Variants in PDZD9 observed in about 807,000 individuals in gnomAD.
The protein encoded by PDZD9 is PDZ domain containing 9.
Under a neutral mutation model 16.3 loss-of-function variants are expected in PDZD9, and 13 were observed. The ratio of observed to expected loss-of-function variants is 0.80; its 90% CI spans 0.52 to 1.27. The LOEUF is 1.27. PDZD9 is among the 50% of genes most tolerant of loss of function. The pLI, the probability that PDZD9 is intolerant of heterozygous loss-of-function variation, is 0.00. For missense variants in PDZD9, 288 were observed against 310.9 expected (o/e 0.93, Z 0.55); for synonymous variants, 120 against 111.0 (o/e 1.08, Z -0.51).
chr16:21,988,920 G>A (rs1163438110), intron 2 of PDZD9, 129 bp from the exon 3 acceptor site: 1 of 700,120 alleles, frequency 1.4e-6, no homozygotes, highest in Non-Finnish European at 2.1e-6. Context: ...CCAAAACCAG[G>A]CTTCAGCCTT....
At chr16:21,962,686 A>G in the PDZD9 span, 1 of 1,605,934 alleles carries the variant, frequency 6.2e-7, no homozygotes, top group South Asian at 1.1e-5. Context: ...CATTGAGAGC[A>G]TTACAGCTAT....
chr16:21,964,141 G>A, the PDZD9 span, among the ~76,000 whole-genome samples: 1 of 152,148 alleles, frequency 6.6e-6, no homozygotes, highest in African/African-American at 2.4e-5. Flanking sequence ...GGGGACTGAT[G>A]TTATTTCATG....
At chr16:21,971,932 G>A in the PDZD9 span, 7 of 1,613,830 alleles carry the variant, frequency 4.3e-6, no homozygotes, top group Non-Finnish European at 5.9e-6. Flanking sequence ...GGTGAAATCC[G>A]AGAACAGAAT....
chr16:21,985,811 T>C (rs1898863625), intron 3 of PDZD9, among the ~76,000 whole-genome samples: 2 of 152,228 alleles, frequency 1.3e-5, no homozygotes, highest in Non-Finnish European at 2.9e-5. Flanking sequence ...TTTCCAAAAG[T>C]TTATCTCTTC....
intron 2 of PDZD9, among the ~76,000 whole-genome samples, chr16:21,992,663 C>T (rs915674173): frequency 6.6e-6 from 1 of 152,172 alleles, no homozygotes; most frequent in Non-Finnish European, 1.5e-5. Flanking sequence ...CTTTTGGACT[C>T]TTGGACTTAC....
chr16:21,967,022 T>C, the PDZD9 span, among the ~76,000 whole-genome samples: 3 of 152,194 alleles, frequency 2.0e-5, no homozygotes, highest in Non-Finnish European at 2.9e-5. Context: ...TTTTTTTTAA[T>C]AAAAGGTATG....
chr16:21,958,107 A>T, the PDZD9 span, among the ~76,000 whole-genome samples: 1 of 152,192 alleles, frequency 6.6e-6, no homozygotes, highest in Non-Finnish European at 1.5e-5. Context: ...ACACTGTTAA[A>T]CCCAGTACTG....
the PDZD9 span, among the ~76,000 whole-genome samples, chr16:21,974,788 G>C: frequency 3.3e-5 from 5 of 152,206 alleles, no homozygotes; most frequent in Admixed American, 3.3e-4. Flanking sequence ...TCAAGTCTGA[G>C]AAAGGAATAC....
chr16:21,965,644 CT>C, the PDZD9 span: 1 of 632,220 alleles, frequency 1.6e-6, no homozygotes, highest in Non-Finnish European at 2.4e-6. Context: ...CATCCACCTG[CT>C]TTTTAACTAA....
At chr16:21,988,869 G>A in intron 2 of PDZD9, 78 bp from the exon 3 acceptor site, 5 of 1,202,536 alleles carry the variant, frequency 4.2e-6, no homozygotes, top group Non-Finnish European at 5.6e-6. Context: ...TTATTGTGAG[G>A]TATTTCATTT....
chr16:21,998,715 G>T (rs1345605048), intron 1 of PDZD9: 1 of 145,130 alleles, frequency 6.9e-6, no homozygotes, highest in African/African-American at 2.6e-5. Context: ...AATTATCTGG[G>T]CATGTTGGTG....
chr16:21,973,813 A>C, the PDZD9 span: 25 of 1,322,644 alleles, frequency 1.9e-5, no homozygotes, highest in Middle Eastern at 4.0e-4. Flanking sequence ...TGAAGGTCCA[A>C]GTTTTTTCTA....
At position 21,987,218 on chromosome 16, in the gene PDZD9, G is replaced by A. The variant is rs555377827; in HGVS notation, c.401+1384C>T. Among the ~76,000 whole-genome samples, 7 of 152,210 alleles carry A rather than the reference G, an allele frequency of 4.6e-5. No individual in the cohort carries two copies. In the East Asian group the frequency reaches 5.8e-4, roughly 13 times the overall value. On this transcript the variant is annotated intron_variant, in intron 3 of 3. Transcript: ENST00000424898. The stretch of plus-strand genomic sequence containing the variant: ...GCAGATCACCTGAGGTCAGGAGTTC[G>A]AAACCAGCCTGGCCAACGTGGTGAA...
the PDZD9 span, among the ~76,000 whole-genome samples, chr16:21,969,144 G>C: frequency 6.6e-6 from 1 of 152,144 alleles, no homozygotes; most frequent in South Asian, 2.1e-4. Context: ...ACTCTGCCCA[G>C]AATTAACCAG....
downstream of PDZD9, chr16:21,983,856 GC>G (rs1338330269): frequency 6.5e-6 from 1 of 154,934 alleles, no homozygotes; most frequent in Admixed American, 6.5e-5. Flanking sequence ...TGAATAACTA[GC>G]CAAAGAATTA....
chr16:21,971,995 G>A, the PDZD9 span: 1 of 1,614,190 alleles, frequency 6.2e-7, no homozygotes, highest in Admixed American at 1.7e-5. Context: ...GTCGCGGGAA[G>A]TGCAGAGGCA....
the PDZD9 span, among the ~76,000 whole-genome samples, chr16:21,961,626 T>TTATATATATATA: frequency 0.022 from 1,384 of 64,052 alleles, 81 homozygotes; most frequent in Non-Finnish European, 0.04. Context: ...AACATAAAAT[T>TTATATATATATA]TATATATATA....
At position 21,990,417 on chromosome 16, in the gene PDZD9, A is replaced by G. The variant is rs144788134; in HGVS notation, c.212-1626T>C. Among the ~76,000 whole-genome samples, 3 of 152,322 alleles carry G rather than the reference A, an allele frequency of 2.0e-5. No individual in the cohort carries two copies. The East Asian group carries it at 5.8e-4, about 29-fold the overall frequency. ...CCAAAAGAAGCCTCTAAGGATGCCA[A>G]GGACAAATGTCCATAGCTCTAGATC... On this transcript the variant is annotated intron_variant, in intron 2 of 3. Transcript: ENST00000424898.
At chr16:21,968,922 G>C in the PDZD9 span, among the ~76,000 whole-genome samples, 1 of 152,132 alleles carries the variant, frequency 6.6e-6, no homozygotes, top group Non-Finnish European at 1.5e-5. Context: ...TAAAACCTGT[G>C]ACAAAGGTGA....
Sources: gnomAD v4.1 joint callset for allele counts (sites outside exome capture counted in the v4.1 genomes callset) on GRCh38, gnomAD v4.1.1 for gene constraint, MANE v1.5 for transcripts, NCBI Gene and HGNC (gene_info 2026-07-23, HGNC 2026-07-21) for gene names.